Variants in PDE1A observed in about 807,000 individuals in gnomAD.
The protein encoded by PDE1A is dual specificity calcium/calmodulin-dependent 3',5'-cyclic nucleotide phosphodiesterase 1A.
In PDE1A, 35 loss-of-function variants were observed where a neutral mutation model predicts 61.7. The observed-to-expected ratio is 0.57, with a 90% CI of 0.43 to 0.75. The LOEUF (loss-of-function observed/expected upper bound fraction) is 0.75, where lower values mean the gene tolerates loss of function less well. Among genes scored for constraint, PDE1A ranks in the 30% least tolerant of loss-of-function variants. The pLI is 0.00. For missense variants in PDE1A, 597 were observed against 630.6 expected (o/e 0.95, Z 0.57); for synonymous variants, 232 against 213.2 (o/e 1.09, Z -0.77).
At position 182,257,895 on chromosome 2, in the gene PDE1A, C is replaced by T. The variant is rs190036345; in HGVS notation, c.167+6406G>A. 1.2e-3 allele frequency among the ~76,000 whole-genome samples: 188 copies of T among 152,210 alleles called. 1 individual carries two copies. The highest frequency in any genetic ancestry group is 2.2e-3 in the Non-Finnish European group (153 of 68,006). ...TTTGAAAGCATCTATCAGCTGGGCG[C>T]GGTGGCTCACGCCTGTAATCCCAGC... On this transcript the variant is annotated intron_variant, in intron 2 of 13. Transcript: ENST00000351439.
intron 1 of PDE1A, among the ~76,000 whole-genome samples, chr2:182,311,813 C>A (rs530930642): frequency 3.3e-5 from 5 of 152,074 alleles, no homozygotes; most frequent in Admixed American, 6.6e-5. Flanking sequence ...GGTTGGATTG[C>A]ATATTAGGTG....
the PDE1A span, among the ~76,000 whole-genome samples, chr2:182,539,686 G>T: frequency 6.6e-6 from 1 of 152,198 alleles, no homozygotes; most frequent in African/African-American, 2.4e-5. Context: ...TACTGTACAT[G>T]TTATAGATTA....
the PDE1A span, among the ~76,000 whole-genome samples, chr2:182,639,680 A>C: frequency 6.6e-6 from 1 of 152,232 alleles, no homozygotes; most frequent in East Asian, 1.9e-4. Flanking sequence ...CAAAAAGAAG[A>C]GTAAGCAACA....
In PDE1A at chr2:182,168,100, G is replaced by T. The variant is rs547168785; in HGVS notation, c.*147C>A. ...GGAGTTTACAGCTGTTATTTATGTG[G>T]CTCATGATGCTTATTGAGCAATCTG... On this transcript the variant is annotated 3_prime_UTR_variant, in exon 14 of 14. Transcript: ENST00000351439. The T allele has an allele frequency of 5.9e-6, 8 of 1,367,196 alleles. No individual in the cohort carries two copies. The South Asian group carries it at 6.3e-5, about 11-fold the overall frequency. The allele number at this position is 1,367,196 out of a possible 1,614,324, so 84.7% of individuals were successfully genotyped here.
intron 2 of PDE1A, chr2:182,522,178 TA>T: frequency 2.1e-6 from 2 of 961,140 alleles, no homozygotes; most frequent in Non-Finnish European, 1.6e-6. Context: ...AAAATCTTTC[TA>T]AAGGAAACTA....
At position 182,243,705 on chromosome 2, in the gene PDE1A, G is replaced by A. The variant is rs141523981; in HGVS notation, c.168-3413C>T. ...GAATAGACAAAGTTGTAAGAATGGT[G>A]TTTTGAGTTTAGTTAGTTTAGTTAA... is the stretch of plus-strand genomic sequence containing the variant. On this transcript the variant is annotated intron_variant, in intron 2 of 13. Transcript: ENST00000351439. 3.7e-4 allele frequency among the ~76,000 whole-genome samples: 57 copies of A among 152,272 alleles called. 1 individual carries two copies. The East Asian group carries it at 0.011, about 29-fold the overall frequency.
intron 5 of PDE1A, among the ~76,000 whole-genome samples, chr2:182,230,360 G>A (rs1432516): frequency 0.031 from 4,665 of 152,232 alleles, 243 homozygotes; most frequent in African/African-American, 0.11. Context: ...GACTAGGACA[G>A]ATTAAATAAT....
the PDE1A span, among the ~76,000 whole-genome samples, chr2:182,671,621 C>CTTTTTT: frequency 8.0e-6 from 1 of 124,306 alleles, no homozygotes; most frequent in Admixed American, 8.5e-5. Flanking sequence ...CTTTCTTTTT[C>CTTTTTT]TTTTTTTTTT....
chr2:182,494,482 G>A (rs1458920336), intron 2 of PDE1A, among the ~76,000 whole-genome samples: 2 of 152,120 alleles, frequency 1.3e-5, no homozygotes, highest in African/African-American at 4.8e-5. Flanking sequence ...TTGCAGACAT[G>A]AGTAACTGTT....
At chr2:182,214,105 G>T (rs942970515) in intron 7 of PDE1A, among the ~76,000 whole-genome samples, 2 of 149,334 alleles carry the variant, frequency 1.3e-5, no homozygotes, top group African/African-American at 5.0e-5. Context: ...GAGAGTGGGG[G>T]CCAATATTCA....
chr2:182,465,281 T>C (rs922656292), intron 2 of PDE1A, among the ~76,000 whole-genome samples: 16 of 152,242 alleles, frequency 1.1e-4, no homozygotes, highest in South Asian at 2.1e-4. Flanking sequence ...TCCAATAATA[T>C]TGTAAATGTC....
intron 1 of PDE1A, among the ~76,000 whole-genome samples, chr2:182,422,911 A>C (rs541938492): frequency 6.6e-6 from 1 of 152,322 alleles, no homozygotes; most frequent in Non-Finnish European, 1.5e-5. Context: ...AAATATATTA[A>C]TATAGTTTTG....
At chr2:182,397,075 C>T (rs746029553) in intron 1 of PDE1A, among the ~76,000 whole-genome samples, 6 of 152,136 alleles carry the variant, frequency 3.9e-5, no homozygotes, top group Admixed American at 6.6e-5. Context: ...AGGAAATACT[C>T]ATTACAATGT....
At chr2:182,492,042 T>C (rs1282204955) in intron 2 of PDE1A, among the ~76,000 whole-genome samples, 5 of 152,208 alleles carry the variant, frequency 3.3e-5, no homozygotes, top group Middle Eastern at 3.4e-3. Context: ...TGCTTGATCA[T>C]TGCTTTTAGA....
At chr2:182,505,215 C>T (rs555170103) in intron 2 of PDE1A, among the ~76,000 whole-genome samples, 1 of 152,322 alleles carries the variant, frequency 6.6e-6, no homozygotes, top group South Asian at 2.1e-4. Context: ...TCAGCTACAT[C>T]ATGAAACAGA....
the PDE1A span, among the ~76,000 whole-genome samples, chr2:182,624,124 C>CAA: frequency 0.015 from 1,616 of 109,722 alleles, 25 homozygotes; most frequent in African/African-American, 0.027. Flanking sequence ...GACTCCGTCT[C>CAA]AAAAAAAAAA....
chr2:182,659,450 A>G, the PDE1A span, among the ~76,000 whole-genome samples: 2 of 152,216 alleles, frequency 1.3e-5, no homozygotes, highest in African/African-American at 4.8e-5. Context: ...CAATTCATAA[A>G]GAGTTGTACA....
chr2:182,555,100 T>C, the PDE1A span, among the ~76,000 whole-genome samples: 1 of 152,232 alleles, frequency 6.6e-6, no homozygotes, highest in East Asian at 1.9e-4. Flanking sequence ...TCCTGGGCAA[T>C]GACTCAAATG....
chr2:182,174,371 T>G (rs1692530599), intron 13 of PDE1A, among the ~76,000 whole-genome samples: 3 of 152,098 alleles, frequency 2.0e-5, no homozygotes, highest in Admixed American at 2.0e-4. Context: ...GGTACTCAGA[T>G]AGATTACTTA....
Sources: allele counts gnomAD v4.1 joint callset (sites outside exome capture counted in the v4.1 genomes callset), GRCh38; gene constraint gnomAD v4.1.1; transcripts MANE v1.5; gene names NCBI Gene and HGNC (gene_info 2026-07-23, HGNC 2026-07-21).